The following CDC42BPB variants were observed in gnomAD, a reference collection of about 807,000 sequenced individuals.
The protein encoded by CDC42BPB is CDC42 binding protein kinase beta.
Under a neutral mutation model 214.9 loss-of-function variants are expected in CDC42BPB, and 37 were observed. The ratio of observed to expected loss-of-function variants is 0.17; its 90% confidence interval spans 0.13 to 0.23. CDC42BPB has a LOEUF of 0.23. Among genes scored for constraint, CDC42BPB ranks in the 10% least tolerant of loss-of-function variants. The probability of loss-of-function intolerance (pLI) is 1.00; values close to 1 mark genes in which losing one functional copy is unlikely to be tolerated. For missense variants in CDC42BPB, 1,694 were observed against 2,227.0 expected (o/e 0.76, Z 4.82); for synonymous variants, 931 against 884.0 (o/e 1.05, Z -0.94).
Position 102,934,052 on chromosome 14 carries a change from C to A in CDC42BPB, c.5005-209G>T. ...TCACAAATTGATGTCTAATCCCACT[C>A]AAAAATAACATGGTAATTATCATTA... On this transcript the variant is annotated intron_variant, in intron 36 of 36. Transcript: ENST00000361246. 3 of 1,324,570 alleles carry A rather than the reference C, an allele frequency of 2.3e-6. No homozygotes were observed. In the Admixed American group the frequency reaches 1.3e-4, roughly 55 times the overall value. 82.1% of individuals were successfully genotyped at this position (1,324,570 alleles called of 1,614,324 possible).
chr14:103,002,653 G>A (rs565434278), intron 4 of CDC42BPB, among the ~76,000 whole-genome samples: 3 of 152,214 alleles, frequency 2.0e-5, no homozygotes, highest in East Asian at 1.9e-4. Context: ...CAGGGGATCC[G>A]GAACCTGCTC....
intron 7 of CDC42BPB, among the ~76,000 whole-genome samples, chr14:102,982,760 CA>C (rs200802621): frequency 6.7e-6 from 1 of 149,718 alleles, no homozygotes. Flanking sequence ...AACTCCGTCT[CA>C]AAAAAAAAGA....
intron 14 of CDC42BPB, among the ~76,000 whole-genome samples, chr14:102,969,163 T>C (rs979021300): frequency 6.6e-6 from 1 of 152,196 alleles, no homozygotes; most frequent in African/African-American, 2.4e-5. Context: ...GGGCGGCTTC[T>C]GTAAGGTGCT....
intron 1 of CDC42BPB, among the ~76,000 whole-genome samples, chr14:103,021,321 C>A (rs1387387999): frequency 6.6e-6 from 1 of 152,080 alleles, no homozygotes; most frequent in African/African-American, 2.4e-5. Context: ...AAAAAATTAG[C>A]CAGGCGTGGT....
chr14:103,003,390 C>T (rs1895080874), intron 4 of CDC42BPB, among the ~76,000 whole-genome samples: 2 of 152,200 alleles, frequency 1.3e-5, no homozygotes, highest in Admixed American at 1.3e-4. Flanking sequence ...CATGCATGTG[C>T]GTCACGAGGC....
At position 102,952,560 on chromosome 14, in the gene CDC42BPB, G is replaced by A; in HGVS notation, c.3110C>T (p.Thr1037Ile). 1 of 1,614,092 alleles carries A rather than the reference G, an allele frequency of 6.2e-7. No individual in the cohort carries two copies. Among genetic ancestry groups the A allele is most frequent in the Non-Finnish European group, 8.5e-7 (1 of 1,179,966 alleles). ...QFSIKSFSSP[T>I]QCSHCTSLMV... is the part of the protein sequence containing the mutation. ...CAGGGAGGTGCAGTGGCTGCACTGA[G>A]TAGGGCTGGAGAAGGACTTGATGCT... Residue 1037 changes from threonine to isoleucine, a missense_variant, in exon 24 of 37, where the codon ACT (threonine) becomes ATT (isoleucine). Physicochemically the swap from Thr to Ile is moderately conservative, Grantham distance 89. Transcript: ENST00000361246.
At chr14:102,970,342 C>T in intron 13 of CDC42BPB, 81 bp from the exon 14 acceptor site, 1 of 1,520,342 alleles carries the variant, frequency 6.6e-7, no homozygotes, top group Non-Finnish European at 8.8e-7. Context: ...GGGACCTCCA[C>T]AAGAACAAGA....
chr14:102,992,986 G>A (rs1035495591), intron 5 of CDC42BPB, among the ~76,000 whole-genome samples: 2 of 151,600 alleles, frequency 1.3e-5, no homozygotes, highest in South Asian at 2.1e-4. Context: ...GCACTACCAC[G>A]CCCAGCTAGT....
At position 102,944,373 on chromosome 14, in the gene CDC42BPB, G is replaced by C; in HGVS notation, c.3926C>G (p.Ser1309Trp). 6.2e-7 allele frequency: 1 copy of C among 1,613,170 alleles called. No individual in the cohort carries two copies. Among genetic ancestry groups the C allele is most frequent in the South Asian group, 1.1e-5 (1 of 91,070 alleles). Reference sequence around the variant, plus strand: ...GCTGCCTTCCGCTCCATCAAGGGACGACCACGGATAGAGGTGCACATGGTG... The same window carrying C: ...GCTGCCTTCCGCTCCATCAAGGGACCACCACGGATAGAGGTGCACATGGTG... ...RNHHVHLYPW[S>W]SLDGAEGSFD... is the part of the protein sequence containing the mutation. Residue 1309 changes from serine (S) to tryptophan (W), a missense_variant, in exon 30 of 37, where the codon TCG becomes TGG. By Grantham distance (177) the Ser-to-Trp change is radical (BLOSUM62 -3). Transcript: ENST00000361246. This position sits in a 1 kb window ranked among gnomAD's most constrained non-coding sequence, Gnocchi z 6.6.
chr14:102,974,045 C>T lies in CDC42BPB; in HGVS notation c.1612G>A (p.Val538Ile), dbSNP rs1377486618. ...LRGLEKQHRV[V>I]RQEKEELHKQ... is the part of the protein sequence containing the mutation. The stretch of plus-strand genomic sequence containing the variant: ...TGCAGCTCCTCCTTCTCCTGCCGGA[C>T]CACGCGGTGCTGCTTCTCCAGCCCC... Residue 538 changes from valine (V) to isoleucine (I), a missense_variant, in exon 12 of 37, where the codon GTC becomes ATC. Val to Ile is a conservative substitution (Grantham distance 29). Coordinates refer to ENST00000361246, the MANE Select transcript of CDC42BPB (RefSeq NM_006035.4). 1.9e-6 allele frequency: 3 copies of T among 1,612,098 alleles called. No homozygotes were observed. Among genetic ancestry groups the T allele is most frequent in the African/African-American group, 1.3e-5 (1 of 74,908 alleles).
At position 102,933,142 on chromosome 14, in the gene CDC42BPB, T is replaced by G. The variant is rs1891473121; in HGVS notation, c.*570A>C. On this transcript the variant is annotated 3_prime_UTR_variant, in exon 37 of 37. Transcript: ENST00000361246. ...CAGGGACGCAGGGTGTCACTGGTCC[T>G]GGGCCTTTGTCCATGACTAGGTGGT... is the stretch of plus-strand genomic sequence containing the variant. 1 of 152,538 alleles carries G rather than the reference T, an allele frequency of 6.6e-6. No homozygotes were observed. Among genetic ancestry groups the G allele is most frequent in the African/African-American group, 2.4e-5 (1 of 41,456 alleles). 9.4% of individuals were successfully genotyped at this position (152,538 alleles called of 1,614,324 possible).
rs147054850 is a variant in CDC42BPB, at chr14:103,053,115, C to T, written c.175+3884G>A. 5.3e-3 allele frequency among the ~76,000 whole-genome samples: 799 copies of T among 151,338 alleles called. 5 individuals carry two copies. Among genetic ancestry groups the T allele is most frequent in the Non-Finnish European group, 8.6e-3 (582 of 67,782 alleles). On this transcript the variant is annotated intron_variant, in intron 1 of 36. Coordinates refer to ENST00000361246, the MANE Select transcript of CDC42BPB (RefSeq NM_006035.4). Reference sequence around the variant, plus strand: ...CTGTAATCCCAGCACTTTGAGAGGCCGAGGAGGGTGGATCACGAGGTCAGG... The same window carrying T: ...CTGTAATCCCAGCACTTTGAGAGGCTGAGGAGGGTGGATCACGAGGTCAGG...
At chr14:102,936,323 C>T (rs950269660) in intron 36 of CDC42BPB, among the ~76,000 whole-genome samples, 3 of 152,226 alleles carry the variant, frequency 2.0e-5, no homozygotes, top group African/African-American at 7.2e-5. Context: ...CCACTCACAA[C>T]AGCTGAAGGA....
chr14:103,057,181 CGCGGCCCGCTCCCGACGCGCCG>C lies in CDC42BPB; in HGVS notation c.-30_-9del, dbSNP rs1351295047. 7.1e-7 allele frequency: 1 copy of C among 1,408,354 alleles called. No homozygotes were observed. Among genetic ancestry groups the C allele is most frequent in the African/African-American group, 1.5e-5 (1 of 67,180 alleles). The allele number at this position is 1,408,354 out of a possible 1,614,324, so 87.2% of individuals were successfully genotyped here. On this transcript the variant is annotated 5_prime_UTR_variant, in exon 1 of 37. Transcript: ENST00000361246. ...CCGCACCTTGGCCGACATGGTGCCG[CGCGGCCCGCTCCCGACGCGCCG>C]GCCTCTCACCGCCGGCTCGGCCAGT...
chr14:102,961,530 A>ACC (rs150777406), intron 20 of CDC42BPB, among the ~76,000 whole-genome samples: 195 of 123,700 alleles, frequency 1.6e-3, no homozygotes, highest in African/African-American at 5.6e-3. Context: ...AGATGGCAAA[A>ACC]CCCCCCCCAC....
intron 27 of CDC42BPB, among the ~76,000 whole-genome samples, chr14:102,947,430 G>A (rs1327721967): frequency 6.6e-6 from 1 of 152,220 alleles, no homozygotes; most frequent in Non-Finnish European, 1.5e-5. Flanking sequence ...CACACGCTGT[G>A]AGGACAGTGG....
At chr14:102,964,063 A>G (rs1341328965) in intron 19 of CDC42BPB, among the ~76,000 whole-genome samples, 2 of 152,202 alleles carry the variant, frequency 1.3e-5, no homozygotes, top group Non-Finnish European at 2.9e-5. Context: ...GGAGTTAGGG[A>G]AAAATTTCAA....
chr14:103,033,918 G>C (rs796923015), intron 1 of CDC42BPB, among the ~76,000 whole-genome samples: 1 of 152,130 alleles, frequency 6.6e-6, no homozygotes, highest in Admixed American at 6.6e-5. Flanking sequence ...CCATGAGTAC[G>C]TTTGTTTTAT....
chr14:102,933,931 G>A (rs970415529), intron 36 of CDC42BPB, 88 bp from the exon 37 acceptor site: 155 of 1,446,240 alleles, frequency 1.1e-4, no homozygotes, highest in Non-Finnish European at 1.3e-4. Flanking sequence ...GTTTGCTCAG[G>A]GACAACTGTC....
Sources: allele counts gnomAD v4.1 joint callset (sites outside exome capture counted in the v4.1 genomes callset), GRCh38; gene constraint gnomAD v4.1.1; non-coding constraint Gnocchi (gnomAD v3.1); transcripts MANE v1.5; gene names NCBI Gene and HGNC (gene_info 2026-07-23, HGNC 2026-07-21).